Variants in SDK2 observed in about 807,000 individuals in gnomAD.
The protein encoded by SDK2 is sidekick cell adhesion molecule 2, also known as protein sidekick-2.
SDK2 carries 105 observed loss-of-function variants against 253.9 expected under a neutral mutation model. The ratio of observed to expected loss-of-function variants is 0.41; its 90% CI spans 0.35 to 0.49. SDK2 has a LOEUF of 0.49. Ranked by LOEUF, SDK2 falls within the 20% of genes least tolerant of loss-of-function variation. The pLI is 0.06. For synonymous variants in SDK2, 1,249 were observed against 1,234.9 expected (o/e 1.01, Z -0.24); for missense variants, 2,608 against 3,003.0 (o/e 0.87, Z 3.07).
chr17:73,379,995 G>A lies in SDK2; in HGVS notation c.4763-446C>T, dbSNP rs1222089689. 5.9e-5 allele frequency among the ~76,000 whole-genome samples: 9 copies of A among 152,088 alleles called. No homozygotes were observed. The highest frequency in any genetic ancestry group is 1.2e-4 in the African/African-American group (5 of 41,412). ...GGGCTCAGCTCCAGGGGGGAGGGGC[G>A]CATTGGATGTGAATTCTGGACTAAG... On this transcript the variant is annotated intron_variant, in intron 34 of 44. Transcript: ENST00000392650. This position sits in a 1 kb window ranked among gnomAD's most constrained non-coding sequence, Gnocchi z 4.5.
intron 1 of SDK2, among the ~76,000 whole-genome samples, chr17:73,578,790 G>A (rs1332889615): frequency 6.6e-6 from 1 of 152,092 alleles, no homozygotes; most frequent in Non-Finnish European, 1.5e-5. Context: ...CCAGCCATTC[G>A]CGCCAGCCCA....
intron 1 of SDK2, among the ~76,000 whole-genome samples, chr17:73,569,746 A>G (rs2045357757): frequency 6.6e-6 from 1 of 151,536 alleles, no homozygotes; most frequent in Non-Finnish European, 1.5e-5. Context: ...AGACGAGAAA[A>G]GAAAACTGGG....
At chr17:73,348,452 CAT>C in intron 44 of SDK2, 145 bp downstream of exon 44, 2 of 949,068 alleles carry the variant, frequency 2.1e-6, no homozygotes, top group South Asian at 3.6e-5. Context: ...ACAGATGGCC[CAT>C]ATATGACTTC....
At position 73,541,857 on chromosome 17, in the gene SDK2, A is replaced by G. The variant is rs1446034448; in HGVS notation, c.65-34260T>C. The stretch of plus-strand genomic sequence containing the variant: ...TGGAAGATCCTCGTCAATCGGGCTC[A>G]TGGTTTGGTGGAAACCACCTAGGCT... On this transcript the variant is annotated intron_variant, in intron 1 of 44. Transcript: ENST00000392650. This position sits in a 1 kb window ranked among gnomAD's most constrained non-coding sequence, Gnocchi z 4.3. 3.3e-5 allele frequency among the ~76,000 whole-genome samples: 5 copies of G among 152,208 alleles called. No individual in the cohort carries two copies. In the East Asian group the frequency reaches 9.6e-4, roughly 29 times the overall value.
At chr17:73,604,983 C>T (rs531243807) in intron 1 of SDK2, among the ~76,000 whole-genome samples, 6 of 152,166 alleles carry the variant, frequency 3.9e-5, no homozygotes, top group Non-Finnish European at 8.8e-5. Flanking sequence ...GTTAGAGAGG[C>T]AACCCCAGAA....
chr17:73,368,470 C>A lies in SDK2; in HGVS notation c.5104G>T (p.Ala1702Ser), dbSNP rs774885043. The change falls in exon 37 of 45, where the codon GCC (alanine) becomes TCC (serine). Residue 1702 changes from alanine to serine, a missense_variant. Ala to Ser is a moderately conservative substitution (Grantham distance 99). Coordinates refer to ENST00000392650, the MANE Select transcript of SDK2 (RefSeq NM_001144952.2). ...GYTAYMVSVA[A>S]FNAAGDGPRS... ...GGCCCATCCCCAGCGGCGTTGAAGG[C>A]GGCCACGCTGACCATGTAGGCCGTG... 6.2e-6 allele frequency: 10 copies of A among 1,608,080 alleles called. No homozygotes were observed. In the East Asian group the frequency reaches 1.8e-4, roughly 29 times the overall value.
At chr17:73,567,623 C>A (rs1289736481) in intron 1 of SDK2, among the ~76,000 whole-genome samples, 4 of 152,370 alleles carry the variant, frequency 2.6e-5, no homozygotes, top group Non-Finnish European at 5.9e-5. Flanking sequence ...CTGTGCCTTA[C>A]AAAGCCAGAG....
At chr17:73,592,859 A>G (rs1264709170) in intron 1 of SDK2, among the ~76,000 whole-genome samples, 1 of 152,132 alleles carries the variant, frequency 6.6e-6, no homozygotes, top group Non-Finnish European at 1.5e-5. Flanking sequence ...TCACAGACAC[A>G]TGGCCTGGCC....
At chr17:73,399,029 T>C in intron 22 of SDK2, 139 bp downstream of exon 22, 1 of 797,330 alleles carries the variant, frequency 1.3e-6, no homozygotes, top group East Asian at 2.7e-5. Context: ...CATTGGCAAG[T>C]GTGAGCATTT....
At chr17:73,419,499 C>T (rs1366031627) in intron 15 of SDK2, among the ~76,000 whole-genome samples, 193 bp from the exon 16 acceptor site, 1 of 152,060 alleles carries the variant, frequency 6.6e-6, no homozygotes, top group East Asian at 1.9e-4. Flanking sequence ...ACTTGCCTGC[C>T]TTATGAGACT....
intron 1 of SDK2, among the ~76,000 whole-genome samples, chr17:73,555,728 T>C (rs1567840656): frequency 6.6e-6 from 1 of 152,210 alleles, no homozygotes; most frequent in Non-Finnish European, 1.5e-5. Context: ...AAGCAGCAGA[T>C]GTCGGCGGAT....
chr17:73,587,303 C>T (rs538517818), intron 1 of SDK2, among the ~76,000 whole-genome samples: 18 of 152,310 alleles, frequency 1.2e-4, no homozygotes, highest in Admixed American at 4.6e-4. Context: ...GCCACTGGCC[C>T]GAGGTGGAGC....
At chr17:73,623,364 C>T (rs970419408) in intron 1 of SDK2, among the ~76,000 whole-genome samples, 1 of 152,134 alleles carries the variant, frequency 6.6e-6, no homozygotes, top group Non-Finnish European at 1.5e-5. Context: ...CTGGGGTTCC[C>T]CCTCTCTGTT....
chr17:73,504,738 A>G (rs1021633915), intron 2 of SDK2, among the ~76,000 whole-genome samples: 1 of 150,388 alleles, frequency 6.6e-6, no homozygotes, highest in Non-Finnish European at 1.5e-5. Flanking sequence ...AGTTTTCAAA[A>G]GGGGAAATAT....
At chr17:73,521,287 C>G (rs2064077211) in intron 1 of SDK2, 1 of 151,876 alleles carries the variant, frequency 6.6e-6, no homozygotes, top group African/African-American at 2.4e-5. Context: ...GCAATGTACC[C>G]ACCTCGGCCT....
At chr17:73,445,234 G>A (rs578164958) in intron 5 of SDK2, among the ~76,000 whole-genome samples, 71 of 152,288 alleles carry the variant, frequency 4.7e-4, no homozygotes, top group African/African-American at 1.6e-3. Context: ...TACATTGATT[G>A]TATGTTAAAA....
At chr17:73,614,034 AAC>A (rs2046015056) in intron 1 of SDK2, among the ~76,000 whole-genome samples, 2 of 152,206 alleles carry the variant, frequency 1.3e-5, no homozygotes, top group South Asian at 2.1e-4. Context: ...AGATCTGGAC[AAC>A]AGAGTCCAGT....
In SDK2 at chr17:73,422,376, G is replaced by A. The variant is rs776834149; in HGVS notation, c.1956C>T (p.Val652=). 9.9e-6 allele frequency: 16 copies of A among 1,613,886 alleles called. No homozygotes were observed. In the African/African-American group the frequency reaches 1.9e-4, roughly 19 times the overall value. ...SVDPKATSVT[V]KGLVPARSYQ... is the part of the protein sequence containing the mutation. ...AGGAGCGTGCAGGAACCAGGCCCTT[G>A]ACTGTCACTGAGGTAGCTTTGGGGT... The change falls in exon 15 of 45, where the codon GTC becomes GTT. Residue 652 remains valine, a synonymous_variant. Coordinates refer to ENST00000392650, the MANE Select transcript of SDK2 (RefSeq NM_001144952.2).
chr17:73,409,343 T>C (rs1469402932), intron 18 of SDK2, among the ~76,000 whole-genome samples: 1 of 152,066 alleles, frequency 6.6e-6, no homozygotes, highest in Non-Finnish European at 1.5e-5. Context: ...GAGCCGGGCA[T>C]GGTGGCATAT....
Sources: gnomAD v4.1 joint callset for allele counts (sites outside exome capture counted in the v4.1 genomes callset) on GRCh38, gnomAD v4.1.1 for gene constraint, Gnocchi (gnomAD v3.1) non-coding constraint, MANE v1.5 for transcripts, NCBI Gene and HGNC (gene_info 2026-07-23, HGNC 2026-07-21) for gene names.